Variants in PCSK5 observed in about 807,000 individuals in gnomAD.
PCSK5 encodes proprotein convertase subtilisin/kexin type 5, also known as prohormone convertase 5.
Under a neutral mutation model 233.2 loss-of-function variants are expected in PCSK5, and 129 were observed. The observed-to-expected ratio is 0.55, with a 90% CI of 0.48 to 0.64. The LOEUF (loss-of-function observed/expected upper bound fraction) is 0.64. PCSK5 is among the 30% of genes least tolerant of loss of function. The pLI is 0.00. For synonymous variants in PCSK5, 825 were observed against 879.2 expected (o/e 0.94, Z 1.09); for missense variants, 2,076 against 2,430.1 (o/e 0.85, Z 3.06).
At chr9:76,117,721 A>G (rs1429514352) in intron 9 of PCSK5, among the ~76,000 whole-genome samples, 3 of 152,160 alleles carry the variant, frequency 2.0e-5, no homozygotes, top group Non-Finnish European at 4.4e-5. Context: ...AACTGGCATC[A>G]CTTCACAGAT....
chr9:76,042,696 A>G (rs1309025465), intron 5 of PCSK5, among the ~76,000 whole-genome samples: 1 of 152,204 alleles, frequency 6.6e-6, no homozygotes, highest in South Asian at 2.1e-4. Flanking sequence ...AAACTTTACT[A>G]TAGACTGAAT....
intron 10 of PCSK5, among the ~76,000 whole-genome samples, chr9:76,156,434 G>C (rs190896372): frequency 6.6e-6 from 1 of 152,268 alleles, no homozygotes; most frequent in East Asian, 1.9e-4. Context: ...TAGAAGAAAG[G>C]TAATAATTTA....
At chr9:75,917,940 A>G (rs751717495) in intron 1 of PCSK5, among the ~76,000 whole-genome samples, 1 of 152,128 alleles carries the variant, frequency 6.6e-6, no homozygotes, top group Non-Finnish European at 1.5e-5. Flanking sequence ...ACAAACTTTT[A>G]ATTTTTAATA....
At chr9:75,949,827 C>A (rs1274447543) in intron 2 of PCSK5, among the ~76,000 whole-genome samples, 1 of 152,032 alleles carries the variant, frequency 6.6e-6, no homozygotes, top group Admixed American at 6.6e-5. Context: ...CCTGGCCTAA[C>A]TTTTAATTTT....
intron 34 of PCSK5, among the ~76,000 whole-genome samples, chr9:76,335,726 G>T (rs534070811): frequency 6.6e-6 from 1 of 152,266 alleles, no homozygotes; most frequent in Admixed American, 6.5e-5. Context: ...TCCTACTGAT[G>T]CTTTTCATCT....
intron 24 of PCSK5, among the ~76,000 whole-genome samples, chr9:76,260,545 A>T (rs960613485): frequency 1.3e-5 from 2 of 152,218 alleles, no homozygotes; most frequent in African/African-American, 4.8e-5. Context: ...TGCAGGTGGC[A>T]TCTAAAAGCC....
chr9:76,309,865 G>A (rs979119110), intron 29 of PCSK5, among the ~76,000 whole-genome samples: 1 of 152,098 alleles, frequency 6.6e-6, no homozygotes, highest in African/African-American at 2.4e-5. Context: ...TGGAATCTTG[G>A]GTGTGAGAGT....
intron 35 of PCSK5, among the ~76,000 whole-genome samples, chr9:76,350,509 A>C (rs763259698): frequency 5.9e-5 from 9 of 152,246 alleles, no homozygotes; most frequent in Non-Finnish European, 1.3e-4. Flanking sequence ...CACACTAGTT[A>C]AACAATAAGC....
chr9:76,071,504 G>A (rs1352395269), intron 6 of PCSK5, among the ~76,000 whole-genome samples: 1 of 152,102 alleles, frequency 6.6e-6, no homozygotes, highest in Non-Finnish European at 1.5e-5. Context: ...AAAGAAAATG[G>A]ATTAAAAAAA....
chr9:75,919,087 G>A lies in PCSK5; in HGVS notation c.193-13292G>A, dbSNP rs139169680. Reference sequence around the variant, plus strand: ...AGAAACAGAAAAATTCCTTTGCCTCGGAAAATTCCTTAGTGCTGCTATGTG... The same window carrying A: ...AGAAACAGAAAAATTCCTTTGCCTCAGAAAATTCCTTAGTGCTGCTATGTG... On this transcript the variant is annotated intron_variant, in intron 1 of 37. Coordinates refer to ENST00000674117, the MANE Select transcript of PCSK5 (RefSeq NM_001372043.1). 2.7e-3 allele frequency among the ~76,000 whole-genome samples: 415 copies of A among 152,228 alleles called. 1 individual carries two copies. The highest frequency in any genetic ancestry group is 4.4e-3 in the Non-Finnish European group (301 of 68,020).
intron 1 of PCSK5, among the ~76,000 whole-genome samples, chr9:75,894,045 GATCAGCTGAGGGCAGT>G (rs1411497652): frequency 6.6e-6 from 1 of 152,174 alleles, no homozygotes; most frequent in Non-Finnish European, 1.5e-5. Context: ...ACCAGCTGTG[GATCAGCTGAGGGCAGT>G]AACTAATTTG....
chr9:75,912,183 G>T (rs537043433), intron 1 of PCSK5, among the ~76,000 whole-genome samples: 8 of 152,022 alleles, frequency 5.3e-5, no homozygotes, highest in Non-Finnish European at 4.4e-5. Flanking sequence ...GGAAGTCTTC[G>T]TGGAGAAGGT....
At chr9:75,942,209 A>G (rs1824340622) in intron 2 of PCSK5, among the ~76,000 whole-genome samples, 1 of 152,242 alleles carries the variant, frequency 6.6e-6, no homozygotes, top group African/African-American at 2.4e-5. Context: ...GGTGTTGCCA[A>G]TTTAAAAGGA....
At chr9:76,322,988 T>C (rs1829251541) in intron 31 of PCSK5, 64 bp from the exon 32 acceptor site, 3 of 890,840 alleles carry the variant, frequency 3.4e-6, no homozygotes, top group Non-Finnish European at 5.3e-6. Context: ...GCTAGCCTAC[T>C]GCAGACAATG....
chr9:76,321,619 T>C lies in PCSK5; in HGVS notation c.4082T>C (p.Ile1361Thr). ...KHCPEMCQDC[I>T]HEKTCKECTP... ...TGCCCAGAGATGTGTCAGGACTGCA[T>C]CCATGAGAAAACATGCAAAGGTACC... Residue 1361 changes from isoleucine (I) to threonine (T), a missense_variant, in exon 31 of 38, where the codon ATC becomes ACC. Coordinates refer to ENST00000674117, the MANE Select transcript of PCSK5 (RefSeq NM_001372043.1). 6.2e-7 allele frequency: 1 copy of C among 1,611,530 alleles called. No individual in the cohort carries two copies. The highest frequency in any genetic ancestry group is 2.2e-5 in the East Asian group (1 of 44,852).
chr9:75,942,928 A>C (rs1234337221), intron 2 of PCSK5, among the ~76,000 whole-genome samples: 2 of 124,922 alleles, frequency 1.6e-5, no homozygotes, highest in Admixed American at 1.1e-4. Flanking sequence ...TCTGTCACCC[A>C]CGCTGGAGAG....
chr9:76,096,192 C>CACAA (rs1831505226), intron 8 of PCSK5, 90 bp downstream of exon 8: 1 of 551,000 alleles, frequency 1.8e-6, no homozygotes, highest in South Asian at 2.1e-5. Flanking sequence ...TATATATATA[C>CACAA]ACACACACAC....
rs370116193 is a variant in PCSK5, at chr9:76,122,898, T to C, written c.1209-11211T>C. Among the ~76,000 whole-genome samples the C allele has an allele frequency of 8.6e-5, 13 of 150,602 alleles. No homozygotes were observed. The South Asian group carries it at 1.3e-3, about 15-fold the overall frequency. ...CAGGATGGAGTGTAGTGGTGCGATC[T>C]TGGCTCACTGCAACCTCCAACCTTC... On this transcript the variant is annotated intron_variant, in intron 9 of 37. Coordinates refer to ENST00000674117, the MANE Select transcript of PCSK5 (RefSeq NM_001372043.1).
chr9:76,296,608 C>A, intron 26 of PCSK5, 57 bp from the exon 27 acceptor site: 2 of 1,152,194 alleles, frequency 1.7e-6, no homozygotes, highest in East Asian at 2.4e-5. Context: ...CTCTTTAGAA[C>A]TTGGCCTTGC....
Sources: allele counts gnomAD v4.1 joint callset (sites outside exome capture counted in the v4.1 genomes callset), GRCh38; gene constraint gnomAD v4.1.1; transcripts MANE v1.5; gene names NCBI Gene and HGNC (gene_info 2026-07-23, HGNC 2026-07-21).